The following DNAAF9 variants were observed in gnomAD, a reference collection of about 807,000 sequenced individuals.
DNAAF9 encodes shulin.
A neutral mutation model predicts 167.0 loss-of-function variants in DNAAF9; 90 were observed. The ratio of observed to expected loss-of-function variants is 0.54; its 90% CI spans 0.45 to 0.64. The LOEUF (loss-of-function observed/expected upper bound fraction) is 0.64. Among genes scored for constraint, DNAAF9 ranks in the 30% least tolerant of loss-of-function variants. The pLI, the probability that DNAAF9 is intolerant of heterozygous loss-of-function variation, is 0.00. For synonymous variants in DNAAF9, 491 were observed against 508.8 expected, an observed-to-expected ratio of 0.96 and a Z score of 0.47; for missense variants, 1,315 against 1,442.2, an observed-to-expected ratio of 0.91 and a Z score of 1.43.
intron 12 of DNAAF9, among the ~76,000 whole-genome samples, chr20:3,326,943 C>T (rs979202744): frequency 2.6e-5 from 4 of 152,116 alleles, no homozygotes; most frequent in Admixed American, 1.3e-4. Flanking sequence ...GCAGGAATTC[C>T]TTCAGTGTTC....
intron 12 of DNAAF9, among the ~76,000 whole-genome samples, chr20:3,328,587 A>G (rs2069760231): frequency 6.6e-6 from 1 of 152,196 alleles, no homozygotes; most frequent in Non-Finnish European, 1.5e-5. Flanking sequence ...AGTCCCTGAC[A>G]TGGGGCATCA....
intron 20 of DNAAF9, among the ~76,000 whole-genome samples, chr20:3,305,312 C>T (rs1268420724): frequency 6.6e-6 from 1 of 152,186 alleles, no homozygotes; most frequent in East Asian, 1.9e-4. Flanking sequence ...CCAAAGCACC[C>T]ATAAGACTCC....
intron 1 of DNAAF9, among the ~76,000 whole-genome samples, chr20:3,390,749 G>C (rs990976279): frequency 6.6e-6 from 1 of 152,188 alleles, no homozygotes; most frequent in Non-Finnish European, 1.5e-5. Context: ...CAGCAAGGCT[G>C]AAACAGCAAG....
intron 29 of DNAAF9, among the ~76,000 whole-genome samples, chr20:3,274,958 C>A (rs2068654087): frequency 6.6e-6 from 1 of 152,224 alleles, no homozygotes; most frequent in Non-Finnish European, 1.5e-5. Flanking sequence ...GTCTTTGGTA[C>A]CTGTGTTCGC....
intron 1 of DNAAF9, among the ~76,000 whole-genome samples, chr20:3,399,411 T>C (rs1430870274): frequency 6.6e-6 from 1 of 152,112 alleles, no homozygotes; most frequent in Non-Finnish European, 1.5e-5. Flanking sequence ...GGTTTCATCA[T>C]GCTCGCCAGG....
intron 1 of DNAAF9, among the ~76,000 whole-genome samples, chr20:3,385,016 TA>T (rs955856954): frequency 2.0e-5 from 3 of 151,472 alleles, no homozygotes; most frequent in African/African-American, 7.3e-5. Flanking sequence ...ATGCATCAAT[TA>T]AAAAAACAGA....
At chr20:3,281,024 T>C (rs968989549) in intron 28 of DNAAF9, among the ~76,000 whole-genome samples, 3 of 152,118 alleles carry the variant, frequency 2.0e-5, no homozygotes, top group Non-Finnish European at 4.4e-5. Context: ...TTACGCCTTA[T>C]TAAAAAAATT....
chr20:3,259,496 G>T lies in DNAAF9; in HGVS notation c.3039C>A (p.Gly1013=), dbSNP rs367653331. 9.3e-6 allele frequency: 15 copies of T among 1,609,728 alleles called. No individual in the cohort carries two copies. In the African/African-American group the frequency reaches 1.9e-4, roughly 20 times the overall value. ...CCTGGTTACCTGAAAACTTCACTTT[G>T]CCCAGGATGTGGTAGATGTTTCCGG... is the stretch of plus-strand genomic sequence containing the variant. ...PFSGNIYHIL[G]KVKFSDSERT... is the part of the protein sequence containing the mutation. The change falls in exon 33 of 37, where the codon GGC becomes GGA. Residue 1013 remains glycine, a synonymous_variant. Transcript: ENST00000252032.
At chr20:3,340,453 C>CCCCCCCCCCCCAA in intron 10 of DNAAF9, 51 bp downstream of exon 10, 1 of 1,001,258 alleles carries the variant, frequency 1.0e-6, no homozygotes, top group East Asian at 3.5e-5. Context: ...CACCCCACCC[C>CCCCCCCCCCCCAA]CACAACTTGA....
chr20:3,376,054 CAG>C (rs1208825890), intron 4 of DNAAF9, 122 bp downstream of exon 4: 2 of 887,314 alleles, frequency 2.3e-6, no homozygotes, highest in African/African-American at 3.4e-5. Context: ...CCACTTCAAA[CAG>C]ATAATCTTTT....
intron 16 of DNAAF9, among the ~76,000 whole-genome samples, chr20:3,321,688 C>G (rs976913430): frequency 6.6e-6 from 1 of 152,194 alleles, no homozygotes; most frequent in Non-Finnish European, 1.5e-5. Flanking sequence ...CCTGCCTCAG[C>G]CTCCTGAGGA....
chr20:3,375,170 C>T (rs936557354), intron 4 of DNAAF9, 44 bp from the exon 5 acceptor site: 1 of 1,133,434 alleles, frequency 8.8e-7, no homozygotes, highest in Non-Finnish European at 1.3e-6. Context: ...GATGAGATAT[C>T]ACACAAATTC....
chr20:3,376,073 A>G (rs1004596267), intron 4 of DNAAF9, 105 bp downstream of exon 4: 3 of 1,023,144 alleles, frequency 2.9e-6, no homozygotes, highest in Non-Finnish European at 4.3e-6. Flanking sequence ...TTTTTTATAT[A>G]GTCACACTCT....
chr20:3,295,325 G>A (rs774997009), intron 23 of DNAAF9, among the ~76,000 whole-genome samples: 10 of 151,904 alleles, frequency 6.6e-5, no homozygotes, highest in African/African-American at 2.2e-4. Context: ...GATTACAGGC[G>A]CATATCACCA....
At position 3,348,635 on chromosome 20, in the gene DNAAF9, A is replaced by G; in HGVS notation, c.691-12T>C. On this transcript the variant is annotated splice_polypyrimidine_tract_variant and intron_variant, in intron 7 of 36. Coordinates refer to ENST00000252032, the MANE Select transcript of DNAAF9 (RefSeq NM_001009984.3). ...AAAGCCACCAAATCCTGGGAAAAAAAGGAAAAAGATAACGTGTTTGGTCAT... is the reference window on the plus strand; with the variant it reads ...AAAGCCACCAAATCCTGGGAAAAAAGGGAAAAAGATAACGTGTTTGGTCAT... 6.4e-7 allele frequency: 1 copy of G among 1,552,870 alleles called. No individual in the cohort carries two copies. The highest frequency in any genetic ancestry group is 8.8e-7 in the Non-Finnish European group (1 of 1,136,478).
chr20:3,252,358 G>A lies in DNAAF9; in HGVS notation c.*214C>T, dbSNP rs2068206945. 1.0e-5 allele frequency: 5 copies of A among 478,970 alleles called. No individual in the cohort carries two copies. The highest frequency in any genetic ancestry group is 1.9e-5 in the Non-Finnish European group (5 of 263,788). 29.7% of individuals were successfully genotyped at this position (478,970 alleles called of 1,614,324 possible). On this transcript the variant is annotated 3_prime_UTR_variant, in exon 37 of 37. Transcript: ENST00000252032. ...GCAGGCCCCATCTGCTCATCCTTGA[G>A]TATTCCCCCGACCCCCAAAATCAAT...
intron 1 of DNAAF9, among the ~76,000 whole-genome samples, chr20:3,389,523 T>C (rs531354924): frequency 3.8e-4 from 57 of 151,986 alleles, no homozygotes; most frequent in African/African-American, 1.3e-3. Context: ...TTCCAACACT[T>C]TGGGAGGCTG....
chr20:3,389,833 C>T (rs559015670), intron 1 of DNAAF9, among the ~76,000 whole-genome samples: 80 of 152,192 alleles, frequency 5.3e-4, no homozygotes, highest in African/African-American at 1.8e-3. Flanking sequence ...GTCAGGAGTT[C>T]GTAACCAGCC....
At chr20:3,319,132 G>A (rs1263606252) in intron 16 of DNAAF9, among the ~76,000 whole-genome samples, 3 of 147,788 alleles carry the variant, frequency 2.0e-5, no homozygotes, top group African/African-American at 5.0e-5. Flanking sequence ...GCATGGTGGC[G>A]TCTGCCTGTG....
Sources: gnomAD v4.1 joint callset for allele counts (sites outside exome capture counted in the v4.1 genomes callset) on GRCh38, gnomAD v4.1.1 for gene constraint, MANE v1.5 for transcripts, NCBI Gene and HGNC (gene_info 2026-07-23, HGNC 2026-07-21) for gene names.